Variants in CNOT6L observed in about 807,000 individuals in gnomAD.
The protein encoded by CNOT6L is CCR4-NOT transcription complex subunit 6-like.
In CNOT6L, 7 loss-of-function variants were observed where a neutral mutation model predicts 64.0. The ratio of observed to expected loss-of-function variants is 0.11; its 90% CI spans 0.06 to 0.21. The LOEUF is 0.21. Ranked by LOEUF, CNOT6L falls within the 10% of genes least tolerant of loss-of-function variation. CNOT6L has a pLI of 1.00. For missense variants in CNOT6L, 245 were observed against 669.0 expected, an observed-to-expected ratio of 0.37 and a Z score of 6.99; for synonymous variants, 193 against 243.4, an observed-to-expected ratio of 0.79 and a Z score of 1.93.
At chr4:77,808,758 C>A (rs1417414824) in intron 1 of CNOT6L, among the ~76,000 whole-genome samples, 1 of 152,130 alleles carries the variant, frequency 6.6e-6, no homozygotes, top group Non-Finnish European at 1.5e-5. Context: ...ACATCTATCT[C>A]CTCTCTTACT....
chr4:77,723,627 A>G (rs969273618), intron 11 of CNOT6L, among the ~76,000 whole-genome samples: 1 of 151,996 alleles, frequency 6.6e-6, no homozygotes, highest in African/African-American at 2.4e-5. Flanking sequence ...ATACTATTCT[A>G]TTGTCTCATC....
chr4:77,770,775 C>CTTTT (rs1185611787), intron 4 of CNOT6L, among the ~76,000 whole-genome samples: 1 of 152,128 alleles, frequency 6.6e-6, no homozygotes, highest in East Asian at 1.9e-4. Context: ...AATCAGTAGA[C>CTTTT]AAAATGCCAC....
intron 7 of CNOT6L, 197 bp from the exon 8 acceptor site, chr4:77,742,492 G>A (rs1281255598): frequency 3.1e-6 from 2 of 644,862 alleles, no homozygotes; most frequent in Non-Finnish European, 2.8e-6. Flanking sequence ...AACCAGAAAG[G>A]TGACATGATT....
At chr4:77,767,371 T>A (rs1336132445) in intron 4 of CNOT6L, among the ~76,000 whole-genome samples, 1 of 152,122 alleles carries the variant, frequency 6.6e-6, no homozygotes, top group Non-Finnish European at 1.5e-5. Context: ...AGAGCCACGG[T>A]GCCCAAATTG....
chr4:77,756,054 G>A (rs1321690310), intron 5 of CNOT6L, among the ~76,000 whole-genome samples: 2 of 152,114 alleles, frequency 1.3e-5, no homozygotes, highest in African/African-American at 4.8e-5. Flanking sequence ...CACGATCTCA[G>A]CTGACTGCAG....
At position 77,742,275 on chromosome 4, in the gene CNOT6L, G is replaced by A; in HGVS notation, c.738C>T (p.Tyr246=). The change falls in exon 8 of 12, where the codon TAC becomes TAT. Residue 246 remains tyrosine (Y), a synonymous_variant. Coordinates refer to ENST00000504123, the MANE Select transcript of CNOT6L (RefSeq NM_144571.3). The part of the protein sequence containing the change: ...ISLQEVETEQ[Y]FTLFLPALKE... ...TCAATGCTGGCAGAAAGAGAGTGAAGTATTGCTCTGTTTCCACTTCCTGAG... is the reference window on the plus strand; with the variant it reads ...TCAATGCTGGCAGAAAGAGAGTGAAATATTGCTCTGTTTCCACTTCCTGAG... 3 of 1,611,718 alleles carry A rather than the reference G, an allele frequency of 1.9e-6. No homozygotes were observed. Among genetic ancestry groups the A allele is most frequent in the Non-Finnish European group, 1.7e-6 (2 of 1,178,854 alleles).
chr4:77,819,288 CA>C lies in CNOT6L; in HGVS notation c.5+15del. ...CAACACTCTCGGTCCTACTCGGAGG[CA>C]AAAGAACACTCTACCTCATTCTCTT... On this transcript the variant is annotated intron_variant, in intron 1 of 11. Coordinates refer to ENST00000504123, the MANE Select transcript of CNOT6L (RefSeq NM_144571.3). 6.2e-7 allele frequency: 1 copy of C among 1,613,622 alleles called. No homozygotes were observed. Among genetic ancestry groups the C allele is most frequent in the Non-Finnish European group, 8.5e-7 (1 of 1,179,724 alleles).
At chr4:77,814,387 A>G (rs568690586) in intron 1 of CNOT6L, among the ~76,000 whole-genome samples, 1 of 152,272 alleles carries the variant, frequency 6.6e-6, no homozygotes, top group East Asian at 1.9e-4. Context: ...TACCTCATAA[A>G]AGTTGTCCAA....
intron 10 of CNOT6L, among the ~76,000 whole-genome samples, chr4:77,727,554 C>G (rs1721997041): frequency 1.0e-5 from 1 of 98,434 alleles, no homozygotes. Context: ...AAGAGCACAA[C>G]TCTGTCTCAA....
intron 4 of CNOT6L, among the ~76,000 whole-genome samples, chr4:77,762,581 T>G (rs917520850): frequency 6.6e-6 from 1 of 152,114 alleles, no homozygotes; most frequent in African/African-American, 2.4e-5. Context: ...AAAGGTAAAA[T>G]CTAAAACTAT....
At chr4:77,730,418 A>T (rs1313049915) in intron 9 of CNOT6L, among the ~76,000 whole-genome samples, 1 of 152,118 alleles carries the variant, frequency 6.6e-6, no homozygotes, top group Admixed American at 6.6e-5. Flanking sequence ...TTCTATGAGT[A>T]CAAGAGATAT....
At chr4:77,784,880 C>T (rs1052288374) in intron 1 of CNOT6L, among the ~76,000 whole-genome samples, 3 of 152,118 alleles carry the variant, frequency 2.0e-5, no homozygotes, top group Non-Finnish European at 4.4e-5. Flanking sequence ...TTTCATCATT[C>T]TTGGCTTAAG....
At position 77,715,182 on chromosome 4, in the gene CNOT6L, C is replaced by T. The variant is rs189064421; in HGVS notation, c.*5249G>A. 2.0e-5 allele frequency: 3 copies of T among 152,004 alleles called. No homozygotes were observed. The highest frequency in any genetic ancestry group is 7.2e-5 in the African/African-American group (3 of 41,398). The allele number at this position is 152,004 out of a possible 1,614,324, so 9.4% of individuals were successfully genotyped here. A position where few individuals can be genotyped will look rare whatever the true frequency, so the allele number is the denominator to read the frequency against. ...TCTAACAAAAATAACTAGTACTAGG[C>T]ACCAAACTAGAGCCTCCGAAAGATT... On this transcript the variant is annotated 3_prime_UTR_variant, in exon 12 of 12. Coordinates refer to ENST00000504123, the MANE Select transcript of CNOT6L (RefSeq NM_144571.3).
At chr4:77,801,373 A>G (rs968548152) in intron 1 of CNOT6L, among the ~76,000 whole-genome samples, 7 of 152,238 alleles carry the variant, frequency 4.6e-5, no homozygotes, top group African/African-American at 1.4e-4. Flanking sequence ...CGCCAGCTTC[A>G]CAAACTCATC....
At chr4:77,764,016 T>G (rs1200911555) in intron 4 of CNOT6L, among the ~76,000 whole-genome samples, 1 of 152,228 alleles carries the variant, frequency 6.6e-6, no homozygotes, top group East Asian at 1.9e-4. Context: ...ATGCTTATAT[T>G]TGAAAGTATG....
intron 1 of CNOT6L, among the ~76,000 whole-genome samples, chr4:77,807,011 A>G (rs185195419): frequency 2.0e-5 from 3 of 152,310 alleles, no homozygotes; most frequent in East Asian, 3.9e-4. Flanking sequence ...AAGGTAAGGC[A>G]TATATCATCT....
chr4:77,759,831 G>A (rs897172866), intron 4 of CNOT6L, among the ~76,000 whole-genome samples: 1 of 152,026 alleles, frequency 6.6e-6, no homozygotes, highest in African/African-American at 2.4e-5. Context: ...TACTCCACTC[G>A]GAAACCAAAA....
At chr4:77,723,332 G>T (rs540806958) in intron 11 of CNOT6L, among the ~76,000 whole-genome samples, 1 of 152,114 alleles carries the variant, frequency 6.6e-6, no homozygotes, top group African/African-American at 2.4e-5. Context: ...CTTGTTCAAG[G>T]ACGAAGAAAG....
At chr4:77,819,407 T>A, upstream of CNOT6L, 1 of 1,593,074 alleles carries the variant, frequency 6.3e-7, no homozygotes, top group Admixed American at 1.7e-5. Flanking sequence ...CCCCCACAGA[T>A]GCTTCCCCTC....
Sources: allele counts gnomAD v4.1 joint callset (sites outside exome capture counted in the v4.1 genomes callset), GRCh38; gene constraint gnomAD v4.1.1; transcripts MANE v1.5; gene names NCBI Gene and HGNC (gene_info 2026-07-23, HGNC 2026-07-21).